The following PLD5 variants were observed in gnomAD, a reference collection of about 807,000 sequenced individuals.
PLD5 encodes inactive phospholipase D5.
In PLD5, 36 loss-of-function variants were observed where a neutral mutation model predicts 61.1. That is an observed-to-expected ratio of 0.59 (90% CI 0.45 to 0.78). The LOEUF (loss-of-function observed/expected upper bound fraction) is 0.78, where lower values mean the gene tolerates loss of function less well. Among genes scored for constraint, PLD5 ranks in the 30% least tolerant of loss-of-function variants. PLD5 has a pLI of 0.00. For synonymous variants in PLD5, 243 were observed against 242.8 expected, an observed-to-expected ratio of 1.00 and a Z score of -0.01; for missense variants, 515 against 644.4, an observed-to-expected ratio of 0.80 and a Z score of 2.17.
At chr1:242,382,108 G>C (rs1479720500) in intron 1 of PLD5, among the ~76,000 whole-genome samples, 3 of 140,142 alleles carry the variant, frequency 2.1e-5, no homozygotes, top group Non-Finnish European at 3.0e-5. Context: ...TCAGGCAACT[G>C]ATAGCGGAGA....
At chr1:242,239,634 G>A (rs760588836) in intron 4 of PLD5, among the ~76,000 whole-genome samples, 1 of 152,092 alleles carries the variant, frequency 6.6e-6, no homozygotes, top group Non-Finnish European at 1.5e-5. Context: ...AACAAGCAGC[G>A]GGAGGTGCCT....
chr1:242,106,448 C>G (rs1367521043), intron 8 of PLD5, among the ~76,000 whole-genome samples: 2 of 152,166 alleles, frequency 1.3e-5, no homozygotes, highest in African/African-American at 2.4e-5. Flanking sequence ...GAACTTCAGA[C>G]CATGATGATT....
At chr1:242,512,248 A>G (rs923699172) in intron 1 of PLD5, among the ~76,000 whole-genome samples, 3 of 139,728 alleles carry the variant, frequency 2.1e-5, no homozygotes, top group Admixed American at 7.5e-5. Context: ...CGTCTCTACT[A>G]AAAATACAAA....
intron 1 of PLD5, among the ~76,000 whole-genome samples, chr1:242,461,922 T>C (rs763739773): frequency 2.0e-5 from 3 of 152,132 alleles, no homozygotes; most frequent in Non-Finnish European, 2.9e-5. Context: ...GGTTTATTTG[T>C]TTTTTGCTTA....
intron 1 of PLD5, among the ~76,000 whole-genome samples, chr1:242,463,951 A>T (rs1448382394): frequency 6.6e-6 from 1 of 152,076 alleles, no homozygotes; most frequent in Non-Finnish European, 1.5e-5. Flanking sequence ...AAGCATTATC[A>T]TTCAGTTATA....
intron 2 of PLD5, among the ~76,000 whole-genome samples, chr1:242,344,941 G>A (rs1255114140): frequency 6.6e-6 from 1 of 152,194 alleles, no homozygotes; most frequent in African/African-American, 2.4e-5. Flanking sequence ...TTACATGGCA[G>A]TGGCAAGAGA....
chr1:242,136,259 T>G (rs1663721068), intron 5 of PLD5, among the ~76,000 whole-genome samples: 1 of 152,198 alleles, frequency 6.6e-6, no homozygotes, highest in Admixed American at 6.5e-5. Flanking sequence ...GCTGTTCCCA[T>G]GAATTTGAAT....
At chr1:242,356,165 GAT>G (rs78904784) in intron 1 of PLD5, among the ~76,000 whole-genome samples, 125,553 of 151,766 alleles carry the variant, frequency 0.83, 52,945 homozygotes, top group Non-Finnish European at 0.9. Context: ...TATTGAAAGT[GAT>G]TATTAAATCC....
intron 3 of PLD5, among the ~76,000 whole-genome samples, chr1:242,285,473 C>T (rs886386406): frequency 5.9e-5 from 9 of 152,076 alleles, no homozygotes; most frequent in Admixed American, 2.6e-4. Context: ...ACTTTAGCCT[C>T]GGCAACAGAG....
chr1:242,261,845 G>A (rs1291295086), intron 4 of PLD5, among the ~76,000 whole-genome samples: 1 of 152,198 alleles, frequency 6.6e-6, no homozygotes, highest in Admixed American at 6.5e-5. Context: ...CAAGGATGTG[G>A]AGCAAACAGA....
chr1:242,529,799 C>CTTCCTTCCTTCCTTCT, the PLD5 span, among the ~76,000 whole-genome samples: 1 of 144,962 alleles, frequency 6.9e-6, no homozygotes, highest in African/African-American at 2.5e-5. Context: ...TCCTTCCTTC[C>CTTCCTTCCTTCCTTCT]TTCCTTCCTT....
At chr1:242,421,176 CAAAAAAAAAAA>C (rs5782234) in intron 1 of PLD5, among the ~76,000 whole-genome samples, 1 of 65,186 alleles carries the variant, frequency 1.5e-5, no homozygotes, top group African/African-American at 5.4e-5. Context: ...GACTCCACCT[CAAAAAAAAAAA>C]AAAAAAAAAA....
intron 2 of PLD5, among the ~76,000 whole-genome samples, chr1:242,324,486 G>C (rs1005239416): frequency 3.3e-5 from 5 of 152,168 alleles, no homozygotes; most frequent in African/African-American, 1.2e-4. Context: ...CAATCTCCAA[G>C]CTGCCCTGTT....
intron 8 of PLD5, among the ~76,000 whole-genome samples, chr1:242,106,782 C>T (rs1396187314): frequency 6.6e-6 from 1 of 152,128 alleles, no homozygotes; most frequent in African/African-American, 2.4e-5. Context: ...GAGAGCCTGC[C>T]ACAGGCCAGA....
intron 3 of PLD5, among the ~76,000 whole-genome samples, chr1:242,275,895 G>A (rs1428186186): frequency 3.3e-5 from 5 of 152,184 alleles, no homozygotes; most frequent in Non-Finnish European, 7.3e-5. Context: ...ACCCTCTGAA[G>A]CATTTAACCC....
intron 1 of PLD5, among the ~76,000 whole-genome samples, chr1:242,516,250 TTATATATATA>T (rs57043354): frequency 0.12 from 16,227 of 138,542 alleles, 1,092 homozygotes; most frequent in Admixed American, 0.21. Flanking sequence ...TAAAGTTAAA[TTATATATATA>T]TATATATATA....
chr1:242,110,135 C>T (rs911415592), intron 7 of PLD5, among the ~76,000 whole-genome samples: 2 of 150,352 alleles, frequency 1.3e-5, no homozygotes, highest in Non-Finnish European at 3.0e-5. Flanking sequence ...TTTAGAGGTG[C>T]AATGATCATG....
At chr1:242,325,668 A>G (rs775235442) in intron 2 of PLD5, among the ~76,000 whole-genome samples, 48 of 151,960 alleles carry the variant, frequency 3.2e-4, no homozygotes, top group Non-Finnish European at 6.6e-4. Flanking sequence ...GTCCTCTACA[A>G]ATTCTAGCCC....
chr1:242,418,186 GACAA>G (rs138675984), intron 1 of PLD5, among the ~76,000 whole-genome samples: 39,589 of 151,858 alleles, frequency 0.26, 6,302 homozygotes, highest in East Asian at 0.49. Flanking sequence ...AATCTGAGAG[GACAA>G]ACAGAGTCAA....
Sources: gnomAD v4.1 joint callset for allele counts (sites outside exome capture counted in the v4.1 genomes callset) on GRCh38, gnomAD v4.1.1 for gene constraint, MANE v1.5 for transcripts, NCBI Gene and HGNC (gene_info 2026-07-23, HGNC 2026-07-21) for gene names.